PCDH15: variants seen among roughly 807,000 people sequenced by gnomAD.
PCDH15 encodes the protein protocadherin related 15, also known as protocadherin-15.
Under a neutral mutation model 178.5 loss-of-function variants are expected in PCDH15, and 129 were observed. The ratio of observed to expected loss-of-function variants is 0.72; its 90% confidence interval spans 0.63 to 0.84. The LOEUF is 0.84. Ranked by LOEUF, PCDH15 falls within the 40% of genes least tolerant of loss-of-function variation. PCDH15 has a pLI of 0.00. For missense variants in PCDH15, 2,230 were observed against 2,099.9 expected (o/e 1.06, Z -1.21); for synonymous variants, 800 against 732.0 (o/e 1.09, Z -1.50).
At chr10:54,353,238 A>G (rs150525703) in intron 5 of PCDH15, among the ~76,000 whole-genome samples, 6 of 152,212 alleles carry the variant, frequency 3.9e-5, no homozygotes, top group East Asian at 3.9e-4. Context: ...TTTGAAGTCC[A>G]TCTTAAAACT....
chr10:54,154,848 A>G (rs951504131), intron 13 of PCDH15, among the ~76,000 whole-genome samples: 3 of 152,174 alleles, frequency 2.0e-5, no homozygotes, highest in Non-Finnish European at 4.4e-5. Flanking sequence ...TGCGACTTGT[A>G]TAAGCCTGAC....
chr10:53,928,896 A>C (rs1236153811), intron 25 of PCDH15, among the ~76,000 whole-genome samples: 2 of 152,056 alleles, frequency 1.3e-5, no homozygotes, highest in East Asian at 1.9e-4. Flanking sequence ...ATTAATTATA[A>C]GTACGTTTCC....
chr10:54,505,321 T>C (rs941837442), intron 3 of PCDH15, among the ~76,000 whole-genome samples: 3 of 152,138 alleles, frequency 2.0e-5, no homozygotes, highest in East Asian at 1.9e-4. Flanking sequence ...ATAACATACT[T>C]AGGGCAAAAT....
At chr10:54,828,653 A>G (rs1030249569) in intron 3 of PCDH15, among the ~76,000 whole-genome samples, 3 of 152,018 alleles carry the variant, frequency 2.0e-5, no homozygotes, top group African/African-American at 7.2e-5. Flanking sequence ...ACTTTCATGA[A>G]TTCACTAAAT....
At chr10:54,973,351 T>C (rs1387819669) in intron 2 of PCDH15, among the ~76,000 whole-genome samples, 3 of 152,214 alleles carry the variant, frequency 2.0e-5, no homozygotes, top group African/African-American at 7.2e-5. Context: ...CTCAAATTAA[T>C]TCCTTATATA....
rs1352154810 is a variant in PCDH15 at position 55,490,209 on chromosome 10, C to A, written c.-156+137416G>T. Reference sequence around the variant, plus strand: ...CTACAATTCAGAAAGAAAACACTAACTGAATCAAAGGTTTTGCCACACTTA... The same window carrying A: ...CTACAATTCAGAAAGAAAACACTAAATGAATCAAAGGTTTTGCCACACTTA... On this transcript the variant is annotated intron_variant, in intron 2 of 5. Transcript: ENST00000613346. Among the ~76,000 whole-genome samples, 3 of 151,708 alleles carry A rather than the reference C, an allele frequency of 2.0e-5. No homozygotes were observed. The East Asian group carries it at 5.8e-4, about 30-fold the overall frequency.
intron 2 of PCDH15, among the ~76,000 whole-genome samples, chr10:55,113,199 T>G (rs906526447): frequency 2.0e-5 from 3 of 152,202 alleles, no homozygotes; most frequent in Admixed American, 6.5e-5. Context: ...TAAGGTGGTA[T>G]GGAACACTTG....
chr10:55,089,794 A>C (rs1028591917), intron 2 of PCDH15, among the ~76,000 whole-genome samples: 3 of 152,126 alleles, frequency 2.0e-5, no homozygotes, highest in Non-Finnish European at 4.4e-5. Flanking sequence ...TTAGAACATC[A>C]AAGAAGAAAG....
intron 2 of PCDH15, among the ~76,000 whole-genome samples, chr10:55,382,541 A>C (rs973990677): frequency 6.6e-6 from 1 of 152,236 alleles, no homozygotes; most frequent in African/African-American, 2.4e-5. Context: ...TCTCAGCTAG[A>C]GTACAAAGGT....
At chr10:55,487,833 T>C (rs1186079972) in intron 2 of PCDH15, among the ~76,000 whole-genome samples, 1 of 151,738 alleles carries the variant, frequency 6.6e-6, no homozygotes, top group African/African-American at 2.4e-5. Context: ...ACCTATCACA[T>C]TGTAATTTTA....
intron 11 of PCDH15, among the ~76,000 whole-genome samples, chr10:54,193,094 T>C (rs2049197376): frequency 6.6e-6 from 1 of 152,240 alleles, no homozygotes; most frequent in Non-Finnish European, 1.5e-5. Context: ...TAACTGGTAC[T>C]GTACATCTCC....
intron 25 of PCDH15, among the ~76,000 whole-genome samples, chr10:53,915,935 T>G (rs1383117206): frequency 6.6e-6 from 1 of 152,182 alleles, no homozygotes; most frequent in Non-Finnish European, 1.5e-5. Flanking sequence ...ACTTTGTCAT[T>G]CCTCAGTATC....
chr10:54,077,791 A>C (rs1358710195), intron 17 of PCDH15, among the ~76,000 whole-genome samples: 1 of 152,158 alleles, frequency 6.6e-6, no homozygotes, highest in East Asian at 1.9e-4. Flanking sequence ...GGCTGGGCGC[A>C]GTGGCTCACG....
At position 54,181,744 on chromosome 10, in the gene PCDH15, T is replaced by C. The variant is rs181624368; in HGVS notation, c.1590+1700A>G. The stretch of plus-strand genomic sequence containing the variant: ...AGTACCATACCAATATATTAAAAAA[T>C]TTACCATAGCAGTTTGAAACGTTTT... On this transcript the variant is annotated intron_variant, in intron 13 of 37. Transcript: ENST00000644397. 2.0e-5 allele frequency among the ~76,000 whole-genome samples: 3 copies of C among 152,214 alleles called. No homozygotes were observed. The East Asian group carries it at 5.8e-4, about 29-fold the overall frequency.
intron 3 of PCDH15, among the ~76,000 whole-genome samples, chr10:54,423,422 T>C (rs188490364): frequency 3.9e-5 from 6 of 151,994 alleles, no homozygotes; most frequent in Non-Finnish European, 8.8e-5. Flanking sequence ...AGGGAAGACA[T>C]ATTTGTCTAA....
intron 8 of PCDH15, among the ~76,000 whole-genome samples, chr10:54,263,810 G>C (rs2057491174): frequency 6.6e-6 from 1 of 152,118 alleles, no homozygotes; most frequent in Non-Finnish European, 1.5e-5. Context: ...TCCTGGGTGT[G>C]TTTTGAGAGT....
At chr10:54,417,791 A>C (rs1043388614) in intron 3 of PCDH15, among the ~76,000 whole-genome samples, 4 of 152,226 alleles carry the variant, frequency 2.6e-5, no homozygotes, top group Admixed American at 2.6e-4. Flanking sequence ...ATTTAAATTA[A>C]AAATATTTGA....
At chr10:55,529,086 C>A (rs1841383956) in intron 2 of PCDH15, among the ~76,000 whole-genome samples, 1 of 151,834 alleles carries the variant, frequency 6.6e-6, no homozygotes, top group South Asian at 2.1e-4. Flanking sequence ...TTGTTTTTTT[C>A]TTGTAAATTT....
chr10:55,473,364 C>A (rs1298436509), intron 2 of PCDH15, among the ~76,000 whole-genome samples: 2 of 151,824 alleles, frequency 1.3e-5, no homozygotes, highest in South Asian at 2.1e-4. Flanking sequence ...CTAAATCATT[C>A]TTTTTCTTCT....
Sources: gnomAD v4.1 joint callset for allele counts (sites outside exome capture counted in the v4.1 genomes callset) on GRCh38, gnomAD v4.1.1 for gene constraint, MANE v1.5 for transcripts, NCBI Gene and HGNC (gene_info 2026-07-23, HGNC 2026-07-21) for gene names.